Variants in BLTP3B observed in about 807,000 individuals in gnomAD.
BLTP3B encodes UHRF1 (ICBP90) binding protein 1-like.
the BLTP3B span, chr12:100,095,517 T>C: frequency 1.2e-6 from 1 of 857,360 alleles, no homozygotes; most frequent in Non-Finnish European, 1.7e-6. Flanking sequence ...ACTACTTATA[T>C]AAAATTACAT....
chr12:100,115,223 C>T, the BLTP3B span, among the ~76,000 whole-genome samples: 340 of 151,954 alleles, frequency 2.2e-3, 3 homozygotes, highest in African/African-American at 7.7e-3. Context: ...CTGTCCAACA[C>T]GCGAAACCCC....
the BLTP3B span, among the ~76,000 whole-genome samples, chr12:100,095,293 T>C: frequency 1.3e-5 from 2 of 152,234 alleles, no homozygotes; most frequent in East Asian, 3.8e-4. Flanking sequence ...CCTTATGGCT[T>C]TGATTCTCTG....
At chr12:100,042,292 T>C in the BLTP3B span, among the ~76,000 whole-genome samples, 2 of 152,188 alleles carry the variant, frequency 1.3e-5, no homozygotes, top group African/African-American at 2.4e-5. Context: ...AAAATTCATA[T>C]GGAATTGCAA....
At chr12:100,124,936 TTA>T in the BLTP3B span, among the ~76,000 whole-genome samples, 1,939 of 56,286 alleles carry the variant, frequency 0.034, 43 homozygotes, top group Non-Finnish European at 0.05. Context: ...AAAAAAAATT[TTA>T]TATATATATA....
chr12:100,132,743 CT>C, the BLTP3B span, among the ~76,000 whole-genome samples: 42,879 of 151,666 alleles, frequency 0.28, 8,875 homozygotes, highest in African/African-American at 0.59. Context: ...GGCCAGGAGT[CT>C]TGAGACCAGC....
the BLTP3B span, among the ~76,000 whole-genome samples, chr12:100,130,571 C>T: frequency 6.6e-6 from 1 of 151,164 alleles, no homozygotes; most frequent in Non-Finnish European, 1.5e-5. Context: ...TTTATGGATG[C>T]CCCTCTTTAT....
the BLTP3B span, among the ~76,000 whole-genome samples, chr12:100,088,463 A>C: frequency 2.6e-5 from 4 of 152,212 alleles, no homozygotes; most frequent in South Asian, 8.3e-4. Context: ...GTGGCCATAA[A>C]ATATGTTAAA....
chr12:100,070,293 T>C, the BLTP3B span: 1 of 1,174,170 alleles, frequency 8.5e-7, no homozygotes, highest in Non-Finnish European at 1.1e-6. Flanking sequence ...TTAATTAATT[T>C]TTTTTTTTTT....
the BLTP3B span, among the ~76,000 whole-genome samples, chr12:100,090,596 T>G: frequency 2.0e-5 from 3 of 152,148 alleles, no homozygotes; most frequent in Non-Finnish European, 2.9e-5. Flanking sequence ...TGAAGAACTA[T>G]GATCATACTG....
chr12:100,060,009 T>C, the BLTP3B span: 151 of 1,607,374 alleles, frequency 9.4e-5, no homozygotes, highest in East Asian at 3.0e-3. Flanking sequence ...TAAACTGTAG[T>C]GCATTCAGCT....
At chr12:100,041,300 T>G in the BLTP3B span, among the ~76,000 whole-genome samples, 1 of 152,158 alleles carries the variant, frequency 6.6e-6, no homozygotes, top group Non-Finnish European at 1.5e-5. Context: ...AGAAGGGAAC[T>G]TCCTCAGTCT....
the BLTP3B span, among the ~76,000 whole-genome samples, chr12:100,107,289 C>CAAAAAAAAA: frequency 8.5e-5 from 3 of 35,346 alleles, no homozygotes; most frequent in African/African-American, 1.3e-4. Flanking sequence ...CTCCATCTCC[C>CAAAAAAAAA]AAAAAAAAAA....
the BLTP3B span, among the ~76,000 whole-genome samples, chr12:100,117,192 G>A: frequency 1.3e-5 from 2 of 152,132 alleles, no homozygotes; most frequent in East Asian, 1.9e-4. Context: ...TTTTAGTGAG[G>A]GCTGCACATA....
chr12:100,071,168 G>A, the BLTP3B span, among the ~76,000 whole-genome samples: 3 of 152,014 alleles, frequency 2.0e-5, no homozygotes, highest in East Asian at 1.9e-4. Context: ...TGATGAAAAA[G>A]GTATCACAGA....
chr12:100,107,387 T>C, the BLTP3B span, among the ~76,000 whole-genome samples: 1 of 143,244 alleles, frequency 7.0e-6, no homozygotes, highest in African/African-American at 2.6e-5. Context: ...CCCTTAAAAA[T>C]CTCAAAATGG....
chr12:100,109,287 C>T, the BLTP3B span, among the ~76,000 whole-genome samples: 1 of 151,728 alleles, frequency 6.6e-6, no homozygotes, highest in African/African-American at 2.4e-5. Flanking sequence ...GAGGCCTCCC[C>T]AGCCATGCAG....
the BLTP3B span, among the ~76,000 whole-genome samples, chr12:100,132,304 C>T: frequency 6.6e-6 from 1 of 152,148 alleles, no homozygotes; most frequent in African/African-American, 2.4e-5. Context: ...GTTTATTTGT[C>T]CCCACCAAAA....
chr12:100,057,606 C>G, the BLTP3B span: 1 of 1,610,810 alleles, frequency 6.2e-7, no homozygotes, highest in Non-Finnish European at 8.5e-7. Context: ...ACTTCCATCA[C>G]TTTCTAATAA....
chr12:100,084,419 C>T, the BLTP3B span: 1 of 1,197,610 alleles, frequency 8.3e-7, no homozygotes, highest in Non-Finnish European at 1.2e-6. Context: ...CACACACACA[C>T]ACACACAGAG....
Sources: allele counts gnomAD v4.1 joint callset (sites outside exome capture counted in the v4.1 genomes callset), GRCh38; gene constraint gnomAD v4.1.1; transcripts MANE v1.5; gene names NCBI Gene and HGNC (gene_info 2026-07-23, HGNC 2026-07-21).